GOLPH3: variants seen among roughly 807,000 people sequenced by gnomAD.
The protein encoded by GOLPH3 is golgi phosphoprotein 3.
In GOLPH3, 14 loss-of-function variants were observed where a neutral mutation model predicts 28.5. That is an observed-to-expected ratio of 0.49 (90% CI 0.32 to 0.77). The LOEUF is 0.77. Ranked by LOEUF, GOLPH3 falls within the 30% of genes least tolerant of loss-of-function variation. The pLI, the probability that GOLPH3 is intolerant of heterozygous loss-of-function variation, is 0.03. For synonymous variants in GOLPH3, 158 were observed against 159.2 expected, an observed-to-expected ratio of 0.99 and a Z score of 0.06; for missense variants, 350 against 393.7, an observed-to-expected ratio of 0.89 and a Z score of 0.94.
chr5:32,130,063 G>A (rs61151261), intron 3 of GOLPH3, among the ~76,000 whole-genome samples: 3,433 of 152,196 alleles, frequency 0.023, 120 homozygotes, highest in African/African-American at 0.077. Flanking sequence ...GGATGGTCTC[G>A]ATCTCCTGAC....
At chr5:32,134,172 C>T (rs10054198) in intron 3 of GOLPH3, among the ~76,000 whole-genome samples, 1,648 of 152,156 alleles carry the variant, frequency 0.011, 26 homozygotes, top group African/African-American at 0.038. Flanking sequence ...GAGCTCAAGA[C>T]CAGCCTGAGC....
chr5:32,153,164 T>C (rs927596718), intron 1 of GOLPH3, among the ~76,000 whole-genome samples: 4 of 151,758 alleles, frequency 2.6e-5, no homozygotes, highest in African/African-American at 4.8e-5. Flanking sequence ...TTCTAAGTAA[T>C]AGTGATAGAG....
At chr5:32,170,205 A>G (rs1336923039) in intron 1 of GOLPH3, among the ~76,000 whole-genome samples, 1 of 152,214 alleles carries the variant, frequency 6.6e-6, no homozygotes, top group Non-Finnish European at 1.5e-5. Context: ...ATTGAACAAA[A>G]AGCAGACACA....
rs556980364 is a variant in GOLPH3, at chr5:32,169,548, T to A, written c.225+4262A>T. ...CCAAATTATACTTGGCCACTGAAAA[T>A]AATTAAATCTAACCTTAAAAGACTA... On this transcript the variant is annotated intron_variant, in intron 1 of 3. Transcript: ENST00000265070. Among the ~76,000 whole-genome samples, 17 of 152,260 alleles carry A rather than the reference T, an allele frequency of 1.1e-4. No homozygotes were observed. The South Asian group carries it at 2.7e-3, about 24-fold the overall frequency.
intron 1 of GOLPH3, among the ~76,000 whole-genome samples, chr5:32,168,362 G>A (rs1746759371): frequency 6.6e-6 from 1 of 152,192 alleles, no homozygotes; most frequent in Admixed American, 6.5e-5. Flanking sequence ...TGGAGCCTGT[G>A]TAAAAGCCAC....
intron 1 of GOLPH3, among the ~76,000 whole-genome samples, chr5:32,156,490 G>A (rs958608547): frequency 1.3e-4 from 20 of 149,324 alleles, no homozygotes; most frequent in Admixed American, 6.7e-5. Flanking sequence ...GTGACAGAGC[G>A]AGATTCTGTC....
At chr5:32,144,406 C>G (rs1171442194) in intron 1 of GOLPH3, among the ~76,000 whole-genome samples, 1 of 152,184 alleles carries the variant, frequency 6.6e-6, no homozygotes, top group African/African-American at 2.4e-5. Flanking sequence ...GACTGGACAA[C>G]ATAGTGAGAT....
At chr5:32,161,402 CAAAAAAAAAAAACCAAAGCTGAGGAAAA>C (rs1168054789) in intron 1 of GOLPH3, among the ~76,000 whole-genome samples, 2 of 32,036 alleles carry the variant, frequency 6.2e-5, no homozygotes, top group South Asian at 1.0e-3. Context: ...TACCTTGTCT[CAAAAAAAAAAAACCAAAGCTGAGGAAAA>C]AAAAAAAAAA....
intron 1 of GOLPH3, among the ~76,000 whole-genome samples, chr5:32,156,273 G>A (rs937284344): frequency 5.9e-5 from 9 of 151,970 alleles, no homozygotes; most frequent in East Asian, 1.9e-4. Context: ...TGAGGTGGGC[G>A]GATCGCCTGA....
intron 1 of GOLPH3, among the ~76,000 whole-genome samples, chr5:32,165,789 G>T (rs139008305): frequency 2.0e-5 from 3 of 152,276 alleles, no homozygotes; most frequent in African/African-American, 4.8e-5. Flanking sequence ...TCCTAGATGT[G>T]TGGTAATCCT....
At chr5:32,132,957 A>C (rs775962872) in intron 3 of GOLPH3, among the ~76,000 whole-genome samples, 15 of 152,196 alleles carry the variant, frequency 9.9e-5, no homozygotes, top group Non-Finnish European at 2.1e-4. Context: ...TTTATTCTGA[A>C]GCAGCAGCAT....
intron 3 of GOLPH3, among the ~76,000 whole-genome samples, chr5:32,131,427 T>C (rs1745823684): frequency 6.6e-6 from 1 of 152,226 alleles, no homozygotes; most frequent in Admixed American, 6.5e-5. Flanking sequence ...TAGATGGATT[T>C]CTGAGGAGAA....
At chr5:32,141,252 C>T (rs1746054056) in intron 2 of GOLPH3, among the ~76,000 whole-genome samples, 1 of 151,802 alleles carries the variant, frequency 6.6e-6, no homozygotes, top group Admixed American at 6.6e-5. Context: ...GCATTCCGCT[C>T]TGATCTAAAA....
intron 3 of GOLPH3, among the ~76,000 whole-genome samples, chr5:32,132,733 C>A (rs1745848435): frequency 6.6e-6 from 1 of 152,052 alleles, no homozygotes; most frequent in African/African-American, 2.4e-5. Context: ...GAACTGTATG[C>A]TTAAAAATGG....
chr5:32,153,213 A>C (rs1475146064), intron 1 of GOLPH3, among the ~76,000 whole-genome samples: 1 of 152,208 alleles, frequency 6.6e-6, no homozygotes, highest in East Asian at 1.9e-4. Flanking sequence ...AGCAAGGTGC[A>C]CACAGTGTAT....
chr5:32,145,320 T>C (rs1746163210), intron 1 of GOLPH3, among the ~76,000 whole-genome samples: 1 of 152,188 alleles, frequency 6.6e-6, no homozygotes, highest in Non-Finnish European at 1.5e-5. Context: ...GACTGGATTT[T>C]AGGGAGTCAC....
intron 1 of GOLPH3, among the ~76,000 whole-genome samples, chr5:32,152,288 G>A (rs775205763): frequency 3.3e-5 from 5 of 151,524 alleles, no homozygotes; most frequent in East Asian, 2.0e-4. Flanking sequence ...CACCATGCCC[G>A]GCTAATTATT....
Position 32,135,321 on chromosome 5 carries a change from G to A in GOLPH3, c.472+251C>T, listed in dbSNP as rs78667031. Among the ~76,000 whole-genome samples the A allele has an allele frequency of 9.9e-3, 1,502 of 152,304 alleles. 25 individuals carry two copies. Among genetic ancestry groups the A allele is most frequent in the African/African-American group, 0.035 (1,460 of 41,558 alleles). On this transcript the variant is annotated intron_variant, in intron 3 of 3. Coordinates refer to ENST00000265070, the MANE Select transcript of GOLPH3 (RefSeq NM_022130.4). ...TAGCCTATCCAGATTAAGGTAGCAT[G>A]TGGTAATTTTGATAAAGAACATGGG...
intron 2 of GOLPH3, among the ~76,000 whole-genome samples, chr5:32,142,017 G>A (rs1345843882): frequency 5.9e-5 from 9 of 152,260 alleles, no homozygotes; most frequent in East Asian, 5.8e-4. Context: ...GCCTCTGCCC[G>A]GCCGCCACCC....
Sources: gnomAD v4.1 joint callset for allele counts (sites outside exome capture counted in the v4.1 genomes callset) on GRCh38, gnomAD v4.1.1 for gene constraint, MANE v1.5 for transcripts, NCBI Gene and HGNC (gene_info 2026-07-23, HGNC 2026-07-21) for gene names.